Variants in WNK1 observed in about 807,000 individuals in gnomAD.
The protein encoded by WNK1 is WNK lysine deficient protein kinase 1.
In WNK1, 38 loss-of-function variants were observed where a neutral mutation model predicts 222.8. That is an observed-to-expected ratio of 0.17 (90% confidence interval 0.13 to 0.22). The LOEUF is 0.22. WNK1 is among the 10% of genes least tolerant of loss of function. The pLI is 1.00. For missense variants in WNK1, 2,348 were observed against 2,918.4 expected, an observed-to-expected ratio of 0.80 and a Z score of 4.50; for synonymous variants, 1,090 against 1,092.9, an observed-to-expected ratio of 1.00 and a Z score of 0.05.
rs1030270790 is a variant in WNK1, at chr12:770,138, C to G, written c.759+15814C>G. ...TACAGGCATGCGCCACCATGTCTGG[C>G]TAATTTTTTATTTTTAGTAGAGACA... On this transcript the variant is annotated intron_variant, in intron 1 of 27. Transcript: ENST00000315939. Among the ~76,000 whole-genome samples, 6 of 152,220 alleles carry G rather than the reference C, an allele frequency of 3.9e-5. No homozygotes were observed. In the East Asian group the frequency reaches 1.2e-3, roughly 29 times the overall value.
chr12:784,680 A>G (rs1014522482), intron 1 of WNK1, among the ~76,000 whole-genome samples: 1 of 152,214 alleles, frequency 6.6e-6, no homozygotes, highest in Non-Finnish European at 1.5e-5. Flanking sequence ...TCCTGTCACT[A>G]CATTAAAACT....
At chr12:766,446 A>C (rs1941705062) in intron 1 of WNK1, among the ~76,000 whole-genome samples, 1 of 152,058 alleles carries the variant, frequency 6.6e-6, no homozygotes, top group Non-Finnish European at 1.5e-5. Context: ...TATCTATCAT[A>C]AGTCTGTTCC....
chr12:886,183 T>C (rs1030455151), intron 19 of WNK1, 99 bp downstream of exon 19: 18 of 1,058,526 alleles, frequency 1.7e-5, no homozygotes, highest in South Asian at 1.2e-4. Context: ...TAGAAACATA[T>C]TTATAAAGGT....
intron 4 of WNK1, among the ~76,000 whole-genome samples, chr12:851,064 C>G (rs985221121): frequency 7.2e-5 from 11 of 152,120 alleles, no homozygotes; most frequent in Non-Finnish European, 1.3e-4. Flanking sequence ...ATTAGGTGAA[C>G]AGAGGAACTA....
At chr12:852,342 A>T (rs1334260178) in intron 4 of WNK1, among the ~76,000 whole-genome samples, 3 of 152,198 alleles carry the variant, frequency 2.0e-5, no homozygotes, top group Non-Finnish European at 2.9e-5. Context: ...CCCATTTAAA[A>T]TTGTGCAGAA....
intron 14 of WNK1, 107 bp downstream of exon 14, chr12:882,180 A>C: frequency 3.1e-6 from 4 of 1,293,034 alleles, no homozygotes; most frequent in African/African-American, 1.5e-5. Flanking sequence ...AATAAAGATA[A>C]CTATCTGTGT....
chr12:825,107 G>A (rs1948245714), intron 2 of WNK1, among the ~76,000 whole-genome samples: 1 of 152,140 alleles, frequency 6.6e-6, no homozygotes, highest in Non-Finnish European at 1.5e-5. Flanking sequence ...TTTTGACAAG[G>A]CATTCATTCG....
chr12:822,133 G>A (rs776876339), intron 2 of WNK1, among the ~76,000 whole-genome samples: 5 of 106,392 alleles, frequency 4.7e-5, no homozygotes, highest in Non-Finnish European at 8.5e-5. Flanking sequence ...TCGCTCTGTT[G>A]CCCAGACTGG....
chr12:848,695 A>G (rs1293492499), intron 4 of WNK1, among the ~76,000 whole-genome samples: 2 of 152,112 alleles, frequency 1.3e-5, no homozygotes, highest in Non-Finnish European at 2.9e-5. Flanking sequence ...TGGACTATGG[A>G]AATAATGACA....
chr12:784,066 A>AAACAAAAC (rs1204971652), intron 1 of WNK1, among the ~76,000 whole-genome samples: 1 of 141,306 alleles, frequency 7.1e-6, no homozygotes, highest in Admixed American at 7.0e-5. Context: ...CCAAAAAAAA[A>AAACAAAAC]AAAAAGTATC....
chr12:767,044 TGGGATTACAGGCGTG>T (rs1941803292), intron 1 of WNK1, among the ~76,000 whole-genome samples: 2 of 152,178 alleles, frequency 1.3e-5, no homozygotes, highest in South Asian at 4.1e-4. Context: ...CCCAAAGTGT[TGGGATTACAGGCGTG>T]AGCCACCGTG....
At position 896,233 on chromosome 12, in the gene WNK1, G is replaced by C; in HGVS notation, c.5746G>C (p.Gly1916Arg). ...AGAGCCGAATGGCATAACCATCCCT[G>C]GTATCTCTTCAGATGTGCCAGAGAG... ...KPEPNGITIP[G>R]ISSDVPESAH... The change falls in exon 24 of 28, where the codon GGT becomes CGT. Residue 1916 changes from glycine (G) to arginine (R), a missense_variant. Gly to Arg is a moderately radical substitution (Grantham distance 125). Transcript: ENST00000315939. 6.2e-7 allele frequency: 1 copy of C among 1,614,152 alleles called. No individual in the cohort carries two copies. Among genetic ancestry groups the C allele is most frequent in the Non-Finnish European group, 8.5e-7 (1 of 1,180,032 alleles).
At chr12:890,321 C>G in intron 21 of WNK1, 132 bp from the exon 22 acceptor site, 1 of 914,618 alleles carries the variant, frequency 1.1e-6, no homozygotes, top group Admixed American at 2.0e-5. Flanking sequence ...ATAAAATGTT[C>G]TCAGACATAA....
intron 1 of WNK1, among the ~76,000 whole-genome samples, chr12:778,195 T>A (rs1234406234): frequency 6.6e-6 from 1 of 152,230 alleles, no homozygotes; most frequent in African/African-American, 2.4e-5. Context: ...TACTCCCTTA[T>A]ACTACTGAAT....
intron 4 of WNK1, among the ~76,000 whole-genome samples, chr12:844,890 C>CTTTTTT (rs11352734): frequency 3.0e-4 from 24 of 80,436 alleles, no homozygotes; most frequent in Admixed American, 3.5e-4. Context: ...TGTACCTTCT[C>CTTTTTT]TTTTTTTTTT....
intron 4 of WNK1, among the ~76,000 whole-genome samples, chr12:849,924 T>G (rs979116856): frequency 5.0e-4 from 76 of 152,338 alleles, no homozygotes; most frequent in African/African-American, 1.8e-3. Context: ...TGCATAGTAT[T>G]CCATGGTGTA....
In WNK1 at chr12:763,686, A is replaced by G. The variant is rs143202870; in HGVS notation, c.759+9362A>G. Among the ~76,000 whole-genome samples, 3 of 147,782 alleles carry G rather than the reference A, an allele frequency of 2.0e-5. No homozygotes were observed. The East Asian group carries it at 5.9e-4, about 29-fold the overall frequency. ...GTGAAGCCTCAAGTAAGGGAGGGCT[A>G]CTCTAGTTAGGATATGAGTGTGAGA... On this transcript the variant is annotated intron_variant, in intron 1 of 27. Transcript: ENST00000315939.
At chr12:887,328 C>A in intron 20 of WNK1, 24 bp downstream of exon 20, 1 of 1,611,402 alleles carries the variant, frequency 6.2e-7, no homozygotes, top group Non-Finnish European at 8.5e-7. Flanking sequence ...TGACAAATTT[C>A]TTCCTGTGCC....
chr12:792,832 T>C (rs893211761), intron 1 of WNK1, among the ~76,000 whole-genome samples: 1 of 152,078 alleles, frequency 6.6e-6, no homozygotes, highest in Non-Finnish European at 1.5e-5. Context: ...AAAAAAAATA[T>C]ATATAAACAT....
Sources: gnomAD v4.1 joint callset for allele counts (sites outside exome capture counted in the v4.1 genomes callset) on GRCh38, gnomAD v4.1.1 for gene constraint, MANE v1.5 for transcripts, NCBI Gene and HGNC (gene_info 2026-07-23, HGNC 2026-07-21) for gene names.